Variants in CYP7B1 observed in about 807,000 individuals in gnomAD.
CYP7B1 encodes cytochrome P450 7B1.
A neutral mutation model predicts 42.7 loss-of-function variants in CYP7B1; 29 were observed. The ratio of observed to expected loss-of-function variants is 0.68; its 90% confidence interval spans 0.51 to 0.93. CYP7B1 has a LOEUF of 0.93. Ranked by LOEUF, CYP7B1 falls within the 40% of genes least tolerant of loss-of-function variation. The pLI is 0.00. For synonymous variants in CYP7B1, 235 were observed against 218.2 expected (o/e 1.08, Z -0.68); for missense variants, 655 against 600.5 (o/e 1.09, Z -0.95).
downstream of CYP7B1, among the ~76,000 whole-genome samples, chr8:64,587,270 AG>A (rs1804981321): frequency 6.6e-6 from 1 of 151,950 alleles, no homozygotes; most frequent in Non-Finnish European, 1.5e-5. Context: ...CCGCATCCGG[AG>A]GGATTCGGGA....
At chr8:64,610,950 ATAACC>A (rs1805354467) in intron 4 of CYP7B1, among the ~76,000 whole-genome samples, 1 of 152,152 alleles carries the variant, frequency 6.6e-6, no homozygotes, top group South Asian at 2.1e-4. Context: ...TACTTGACAA[ATAACC>A]TAATATACAT....
chr8:64,738,701 C>T (rs1374434573), intron 1 of CYP7B1, among the ~76,000 whole-genome samples: 1 of 152,112 alleles, frequency 6.6e-6, no homozygotes. Context: ...AACTAAAAAT[C>T]AACAATTTTT....
chr8:64,772,046 G>A (rs1299546896), intron 1 of CYP7B1, among the ~76,000 whole-genome samples: 1 of 152,172 alleles, frequency 6.6e-6, no homozygotes, highest in African/African-American at 2.4e-5. Context: ...CTCATAAGAT[G>A]ACCTTGCTTC....
intron 1 of CYP7B1, among the ~76,000 whole-genome samples, chr8:64,632,091 G>C (rs1446386861): frequency 6.6e-6 from 1 of 152,132 alleles, no homozygotes; most frequent in African/African-American, 2.4e-5. Context: ...CGAAAAGAAT[G>C]AAATCAGGAT....
chr8:64,784,945 A>C (rs928144869), intron 1 of CYP7B1, among the ~76,000 whole-genome samples: 1 of 152,244 alleles, frequency 6.6e-6, no homozygotes, highest in Non-Finnish European at 1.5e-5. Flanking sequence ...CTAAAGATAC[A>C]AGGCAAAAGC....
At chr8:64,745,924 C>G (rs1040790483) in intron 1 of CYP7B1, among the ~76,000 whole-genome samples, 1 of 152,190 alleles carries the variant, frequency 6.6e-6, no homozygotes. Flanking sequence ...CTGCCATACT[C>G]ACCCTGACAA....
At chr8:64,744,500 T>C (rs1055352546) in intron 1 of CYP7B1, among the ~76,000 whole-genome samples, 18 of 152,328 alleles carry the variant, frequency 1.2e-4, no homozygotes, top group Non-Finnish European at 2.2e-4. Context: ...GAAGGTAGGC[T>C]ACTAATTAAA....
At chr8:64,787,306 G>T (rs1454863686) in intron 1 of CYP7B1, among the ~76,000 whole-genome samples, 6 of 152,028 alleles carry the variant, frequency 3.9e-5, no homozygotes, top group Non-Finnish European at 7.4e-5. Flanking sequence ...GCTTCCTCTT[G>T]AACACATTGC....
At chr8:64,657,777 T>C (rs1806143380) in intron 1 of CYP7B1, among the ~76,000 whole-genome samples, 1 of 152,208 alleles carries the variant, frequency 6.6e-6, no homozygotes, top group Non-Finnish European at 1.5e-5. Context: ...TACTAGTATA[T>C]ACAGGCAGTC....
rs888357204 is a variant in CYP7B1, at chr8:64,590,887, C to T, written c.*5755G>A. On this transcript the variant is annotated 3_prime_UTR_variant, in exon 6 of 6. Coordinates refer to ENST00000310193, the MANE Select transcript of CYP7B1 (RefSeq NM_004820.5). ...GTTAATTTATTAAATTTTTGTTGTACATAAAAGAACATTAAGTATTAGACT... is the reference window on the plus strand; with the variant it reads ...GTTAATTTATTAAATTTTTGTTGTATATAAAAGAACATTAAGTATTAGACT... 5.9e-5 allele frequency among the ~76,000 whole-genome samples: 9 copies of T among 152,076 alleles called. No individual in the cohort carries two copies. The highest frequency in any genetic ancestry group is 1.2e-4 in the Non-Finnish European group (8 of 67,976).
At chr8:64,599,365 T>C (rs772272026) in intron 5 of CYP7B1, among the ~76,000 whole-genome samples, 4 of 152,046 alleles carry the variant, frequency 2.6e-5, no homozygotes, top group Non-Finnish European at 5.9e-5. Flanking sequence ...ATTTTTTGTA[T>C]TATTAGTAGA....
intron 1 of CYP7B1, among the ~76,000 whole-genome samples, chr8:64,650,513 T>C (rs1806022524): frequency 6.6e-6 from 1 of 152,074 alleles, no homozygotes; most frequent in African/African-American, 2.4e-5. Flanking sequence ...CTGGGCATGG[T>C]GGCATGCACC....
chr8:64,614,186 T>G (rs1351050941), intron 4 of CYP7B1, among the ~76,000 whole-genome samples: 1 of 152,120 alleles, frequency 6.6e-6, no homozygotes, highest in Non-Finnish European at 1.5e-5. Flanking sequence ...GTGAACAGCC[T>G]TCTCAAAGTA....
chr8:64,720,632 A>G (rs1158166152), intron 1 of CYP7B1, among the ~76,000 whole-genome samples: 3 of 152,192 alleles, frequency 2.0e-5, no homozygotes, highest in Non-Finnish European at 4.4e-5. Context: ...GGTTGGCTAT[A>G]TGTTATTATA....
chr8:64,728,615 T>G (rs1403607513), intron 1 of CYP7B1, among the ~76,000 whole-genome samples: 1 of 152,248 alleles, frequency 6.6e-6, no homozygotes, highest in Non-Finnish European at 1.5e-5. Context: ...TCATAATATA[T>G]ATTAAATGTT....
intron 1 of CYP7B1, among the ~76,000 whole-genome samples, chr8:64,786,299 C>G (rs1183546641): frequency 5.3e-5 from 8 of 152,166 alleles, no homozygotes; most frequent in Admixed American, 5.2e-4. Flanking sequence ...AAGGCAAGTC[C>G]CTTCTGCCTA....
chr8:64,674,237 T>G (rs895543204), intron 1 of CYP7B1, among the ~76,000 whole-genome samples: 47 of 152,174 alleles, frequency 3.1e-4, no homozygotes, highest in African/African-American at 1.1e-3. Flanking sequence ...ATATCTATAA[T>G]GCACACAGAG....
chr8:64,641,718 G>A (rs1257199361), intron 1 of CYP7B1, among the ~76,000 whole-genome samples: 2 of 152,100 alleles, frequency 1.3e-5, no homozygotes, highest in Admixed American at 1.3e-4. Flanking sequence ...GATGTCCCAT[G>A]GGTACCAAGC....
chr8:64,731,982 T>C (rs1006505980), intron 1 of CYP7B1, among the ~76,000 whole-genome samples: 1 of 152,184 alleles, frequency 6.6e-6, no homozygotes, highest in African/African-American at 2.4e-5. Flanking sequence ...AACACTTGGA[T>C]GTCCAGGCAG....
Sources: gnomAD v4.1 joint callset for allele counts (sites outside exome capture counted in the v4.1 genomes callset) on GRCh38, gnomAD v4.1.1 for gene constraint, MANE v1.5 for transcripts, NCBI Gene and HGNC (gene_info 2026-07-23, HGNC 2026-07-21) for gene names.